The following NBEA variants were observed in gnomAD, a reference collection of about 807,000 sequenced individuals.
The protein encoded by NBEA is neurobeachin.
A neutral mutation model predicts 343.4 loss-of-function variants in NBEA; 44 were observed. That is an observed-to-expected ratio of 0.13 (90% CI 0.10 to 0.16). NBEA has a LOEUF of 0.16. NBEA is among the 10% of genes least tolerant of loss of function. The pLI, the probability that NBEA is intolerant of heterozygous loss-of-function variation, is 1.00. For missense variants in NBEA, 2,555 were observed against 3,631.3 expected, an observed-to-expected ratio of 0.70 and a Z score of 7.62; for synonymous variants, 1,175 against 1,238.7, an observed-to-expected ratio of 0.95 and a Z score of 1.08.
intron 33 of NBEA, among the ~76,000 whole-genome samples, chr13:35,227,977 T>C (rs1304028531): frequency 6.6e-6 from 1 of 151,816 alleles, no homozygotes; most frequent in Non-Finnish European, 1.5e-5. Context: ...TTTTTTTTAC[T>C]GATTTGTGTA....
At chr13:35,203,683 A>G (rs951307788) in intron 31 of NBEA, among the ~76,000 whole-genome samples, 3 of 152,208 alleles carry the variant, frequency 2.0e-5, no homozygotes, top group African/African-American at 7.2e-5. Context: ...GAGATAGGAT[A>G]AATTCAATGA....
At chr13:35,354,673 G>A (rs780245077) in intron 38 of NBEA, among the ~76,000 whole-genome samples, 2 of 151,998 alleles carry the variant, frequency 1.3e-5, no homozygotes, top group East Asian at 3.9e-4. Context: ...TTTAAGCATA[G>A]GTTTTGTTCT....
At chr13:35,252,940 C>A (rs565745601) in intron 34 of NBEA, among the ~76,000 whole-genome samples, 21 of 152,220 alleles carry the variant, frequency 1.4e-4, no homozygotes, top group African/African-American at 4.8e-4. Flanking sequence ...CCTCTCTACT[C>A]CCCACCTTGG....
intron 40 of NBEA, among the ~76,000 whole-genome samples, chr13:35,462,406 T>C (rs944363031): frequency 3.3e-5 from 5 of 152,068 alleles, no homozygotes; most frequent in Admixed American, 2.6e-4. Context: ...ATTTAGAGAG[T>C]TGTTGCAGAT....
In NBEA at chr13:35,581,865, C is replaced by T. The variant is rs1483980052; in HGVS notation, c.7036-2033C>T. On this transcript the variant is annotated intron_variant, in intron 45 of 58. Transcript: ENST00000379939. ...AACCTGCACAATGTGCACATGTACC[C>T]TAAAACTTAAAGTATAATTAAAAAA... is the stretch of plus-strand genomic sequence containing the variant. Among the ~76,000 whole-genome samples, 15 of 138,646 alleles carry T rather than the reference C, an allele frequency of 1.1e-4. 1 individual carries two copies. The allele number at this position is 138,646 out of a possible 152,430, so 91.0% of individuals were successfully genotyped here. A position where few individuals can be genotyped will look rare whatever the true frequency, so the allele number is the denominator to read the frequency against.
chr13:35,402,460 A>G (rs747880244), intron 38 of NBEA, among the ~76,000 whole-genome samples: 1 of 152,030 alleles, frequency 6.6e-6, no homozygotes, highest in Non-Finnish European at 1.5e-5. Context: ...TTATTATTAT[A>G]ATACTCTTAA....
intron 41 of NBEA, among the ~76,000 whole-genome samples, chr13:35,536,174 C>T (rs559617179): frequency 5.3e-5 from 8 of 152,246 alleles, no homozygotes; most frequent in African/African-American, 1.7e-4. Context: ...CTTTCAGTTG[C>T]TAATTGTCAC....
chr13:35,667,231 C>A (rs758167950), intron 56 of NBEA, 143 bp from the exon 57 acceptor site: 5 of 647,616 alleles, frequency 7.7e-6, no homozygotes, highest in Non-Finnish European at 1.4e-5. Flanking sequence ...GTAGCATCAG[C>A]GCTTGGCCTG....
At chr13:35,286,400 T>C (rs2152815258) in intron 34 of NBEA, among the ~76,000 whole-genome samples, 1 of 152,252 alleles carries the variant, frequency 6.6e-6, no homozygotes, top group Admixed American at 6.6e-5. Flanking sequence ...GTCTCCTCTC[T>C]TGGATCCTTA....
intron 33 of NBEA, among the ~76,000 whole-genome samples, chr13:35,225,600 G>A (rs1056407604): frequency 7.2e-5 from 11 of 152,266 alleles, no homozygotes; most frequent in Non-Finnish European, 1.3e-4. Flanking sequence ...GCTGGGCATC[G>A]TTGCAAACGC....
intron 51 of NBEA, among the ~76,000 whole-genome samples, chr13:35,647,570 TTTG>T (rs781681142): frequency 9.9e-5 from 15 of 152,054 alleles, no homozygotes; most frequent in Non-Finnish European, 1.6e-4. Context: ...ATAAATGCTT[TTTG>T]TTGTTGTTGT....
chr13:35,519,651 G>A (rs1343802335), intron 41 of NBEA, among the ~76,000 whole-genome samples: 1 of 151,986 alleles, frequency 6.6e-6, no homozygotes, highest in African/African-American at 2.4e-5. Context: ...AAATTTTAAA[G>A]GGATACATAA....
At chr13:35,110,051 T>TTC (rs2066114525) in intron 12 of NBEA, among the ~76,000 whole-genome samples, 1 of 109,656 alleles carries the variant, frequency 9.1e-6, no homozygotes, top group Non-Finnish European at 1.8e-5. Flanking sequence ...TTTTTTTTTT[T>TTC]AAATGTTTTT....
At chr13:35,293,037 T>C (rs2035895961) in intron 35 of NBEA, among the ~76,000 whole-genome samples, 1 of 152,004 alleles carries the variant, frequency 6.6e-6, no homozygotes, top group Non-Finnish European at 1.5e-5. Flanking sequence ...GGAAATTTCC[T>C]GTTAGCAACT....
chr13:35,078,658 A>G (rs2064229528), intron 10 of NBEA, among the ~76,000 whole-genome samples: 1 of 152,192 alleles, frequency 6.6e-6, no homozygotes, highest in African/African-American at 2.4e-5. Flanking sequence ...TCTTACTGAG[A>G]TGGAAAAGTC....
At chr13:35,031,380 C>T (rs2062210948) in intron 1 of NBEA, among the ~76,000 whole-genome samples, 1 of 151,556 alleles carries the variant, frequency 6.6e-6, no homozygotes, top group Non-Finnish European at 1.5e-5. Flanking sequence ...CAGTAAATGT[C>T]CAAGTGATAT....
At chr13:34,985,440 C>T (rs1484758562) in intron 1 of NBEA, among the ~76,000 whole-genome samples, 1 of 150,948 alleles carries the variant, frequency 6.6e-6, no homozygotes, top group Admixed American at 6.6e-5. Flanking sequence ...ATTTGGTTTG[C>T]CAGTATTTTA....
At position 35,305,361 on chromosome 13, in the gene NBEA, A is replaced by G. The variant is rs544377219; in HGVS notation, c.5839-4167A>G. Among the ~76,000 whole-genome samples the G allele has an allele frequency of 2.1e-4, 32 of 152,094 alleles. No individual in the cohort carries two copies. In the East Asian group the frequency reaches 5.8e-3, roughly 27 times the overall value. Reference sequence around the variant, plus strand: ...CATTGCCTCTGTCTTGTTTCAGTCTACCATTTCTTAGATATGGGTCTATCT... The same window carrying G: ...CATTGCCTCTGTCTTGTTTCAGTCTGCCATTTCTTAGATATGGGTCTATCT... On this transcript the variant is annotated intron_variant, in intron 35 of 58. Coordinates refer to ENST00000379939, the MANE Select transcript of NBEA (RefSeq NM_001385012.1).
intron 11 of NBEA, among the ~76,000 whole-genome samples, chr13:35,105,019 G>A (rs192281156): frequency 1.3e-5 from 2 of 151,892 alleles, no homozygotes; most frequent in Admixed American, 6.6e-5. Context: ...TAATGCAAGG[G>A]TATTTAAAAA....
Sources: allele counts gnomAD v4.1 joint callset (sites outside exome capture counted in the v4.1 genomes callset), GRCh38; gene constraint gnomAD v4.1.1; transcripts MANE v1.5; gene names NCBI Gene and HGNC (gene_info 2026-07-23, HGNC 2026-07-21).